CAMTA1: variants seen among roughly 807,000 people sequenced by gnomAD.
The protein encoded by CAMTA1 is calmodulin binding transcription activator 1, also known as calmodulin-binding transcription activator 1.
CAMTA1 carries 27 observed loss-of-function variants against 170.9 expected under a neutral mutation model. The observed-to-expected ratio is 0.16, with a 90% CI of 0.12 to 0.22. CAMTA1 has a LOEUF of 0.22. Ranked by LOEUF, CAMTA1 falls within the 10% of genes least tolerant of loss-of-function variation. CAMTA1 has a pLI of 1.00. For synonymous variants in CAMTA1, 833 were observed against 891.5 expected, an observed-to-expected ratio of 0.93 and a Z score of 1.17; for missense variants, 1,619 against 2,217.2, an observed-to-expected ratio of 0.73 and a Z score of 5.42.
At chr1:7,077,915 G>A (rs575976286) in intron 3 of CAMTA1, among the ~76,000 whole-genome samples, 1 of 152,022 alleles carries the variant, frequency 6.6e-6, no homozygotes, top group Non-Finnish European at 1.5e-5. Context: ...ATTGGTTAAT[G>A]TTCTAAAGCA....
chr1:7,346,482 C>T (rs1364334798), intron 5 of CAMTA1, among the ~76,000 whole-genome samples: 1 of 152,190 alleles, frequency 6.6e-6, no homozygotes. Flanking sequence ...TGAGAGCTTT[C>T]TTCTTAACTG....
chr1:7,508,342 G>C (rs2094151437), intron 6 of CAMTA1, among the ~76,000 whole-genome samples: 2 of 152,218 alleles, frequency 1.3e-5, no homozygotes. Flanking sequence ...AGAGGCCCCT[G>C]GAAGCTGGGA....
intron 7 of CAMTA1, among the ~76,000 whole-genome samples, chr1:7,660,365 C>T (rs1254383232): frequency 6.6e-6 from 1 of 152,168 alleles, no homozygotes; most frequent in African/African-American, 2.4e-5. Flanking sequence ...CTGCGCCTGG[C>T]CTCTACAAAT....
At chr1:7,179,871 T>A (rs1372133967) in intron 4 of CAMTA1, among the ~76,000 whole-genome samples, 2 of 151,720 alleles carry the variant, frequency 1.3e-5, no homozygotes, top group African/African-American at 4.8e-5. Context: ...ACAAGAAACA[T>A]AATAGTAAGG....
intron 3 of CAMTA1, chr1:6,872,006 C>T: frequency 8.4e-7 from 1 of 1,185,270 alleles, no homozygotes; most frequent in Non-Finnish European, 1.1e-6. Flanking sequence ...AAATTCATTT[C>T]AGTTTTAAAA....
rs74719374 is a variant in CAMTA1, at chr1:7,633,496, C to T, written c.511-6904C>T. 1.8e-4 allele frequency among the ~76,000 whole-genome samples: 27 copies of T among 152,320 alleles called. No individual in the cohort carries two copies. The highest frequency in any genetic ancestry group is 3.4e-4 in the Non-Finnish European group (23 of 68,012). ...CTGGGATGGACACCGACTCCTTCCC[C>T]GCACCCTAGTCTCTGTCTGTCCCTC... On this transcript the variant is annotated intron_variant, in intron 6 of 22. Coordinates refer to ENST00000303635, the MANE Select transcript of CAMTA1 (RefSeq NM_015215.4). This position sits in a 1 kb window ranked among gnomAD's most constrained non-coding sequence, Gnocchi z 4.1.
chr1:7,285,743 G>A (rs1013188636), intron 5 of CAMTA1, among the ~76,000 whole-genome samples: 1 of 152,122 alleles, frequency 6.6e-6, no homozygotes, highest in Non-Finnish European at 1.5e-5. Flanking sequence ...AGATTCACAT[G>A]GGCCTGCTTT....
chr1:7,554,189 T>A (rs1576010262), intron 6 of CAMTA1, among the ~76,000 whole-genome samples: 1 of 151,916 alleles, frequency 6.6e-6, no homozygotes, highest in Non-Finnish European at 1.5e-5. Flanking sequence ...AGAAGAAGGG[T>A]GTTTTCCTGC....
chr1:7,671,954 A>G (rs2096064096), intron 10 of CAMTA1: 2 of 454,924 alleles, frequency 4.4e-6, no homozygotes, highest in Admixed American at 4.7e-5. Context: ...GACGGAATGA[A>G]TGAGTCTCCA....
At chr1:7,342,938 C>CGAGT (rs2083942467) in intron 5 of CAMTA1, among the ~76,000 whole-genome samples, 2 of 152,212 alleles carry the variant, frequency 1.3e-5, no homozygotes, top group Non-Finnish European at 2.9e-5. Flanking sequence ...CTCCTTGCTC[C>CGAGT]TATTAAGGCC....
intron 6 of CAMTA1, among the ~76,000 whole-genome samples, chr1:7,605,284 G>A (rs973904252): frequency 6.6e-6 from 1 of 152,240 alleles, no homozygotes; most frequent in African/African-American, 2.4e-5. Flanking sequence ...CCCCAGAGGT[G>A]GAGTCTACAG....
At chr1:7,679,582 C>CCCT (rs1553246539) in intron 11 of CAMTA1, among the ~76,000 whole-genome samples, 13 of 151,852 alleles carry the variant, frequency 8.6e-5, no homozygotes, top group African/African-American at 2.9e-4. Context: ...GCTGCCCCCC[C>CCCT]CCCCAGAACT....
intron 11 of CAMTA1, chr1:7,701,032 A>G (rs1417159475): frequency 1.3e-5 from 2 of 152,278 alleles, no homozygotes; most frequent in African/African-American, 2.4e-5. Context: ...TCCTGTCTCA[A>G]AAAACAAAAA....
In CAMTA1 at chr1:7,078,799, G is replaced by A. The variant is rs116380649; in HGVS notation, c.235-12505G>A. Among the ~76,000 whole-genome samples the A allele has an allele frequency of 6.8e-3, 1,035 of 152,300 alleles. 10 individuals are homozygous for A. The highest frequency in any genetic ancestry group is 0.023 in the African/African-American group (964 of 41,556). ...AATCACTTTGTATTTCTGCATGGAG[G>A]CATTTCAAGACTGTATCTTCAGGGA... is the stretch of plus-strand genomic sequence containing the variant. On this transcript the variant is annotated intron_variant, in intron 3 of 22. Coordinates refer to ENST00000303635, the MANE Select transcript of CAMTA1 (RefSeq NM_015215.4).
chr1:7,358,270 G>A (rs988423615), intron 5 of CAMTA1, among the ~76,000 whole-genome samples: 6 of 152,194 alleles, frequency 3.9e-5, no homozygotes, highest in Non-Finnish European at 7.4e-5. Context: ...ACCTTGACTT[G>A]ATAAATGAGA....
In CAMTA1 at chr1:7,129,715, A is replaced by G. The variant is rs942254262; in HGVS notation, c.302+38344A>G. 3.3e-5 allele frequency among the ~76,000 whole-genome samples: 5 copies of G among 152,196 alleles called. No individual in the cohort carries two copies. The South Asian group carries it at 6.2e-4, about 19-fold the overall frequency. On this transcript the variant is annotated intron_variant, in intron 4 of 22. Coordinates refer to ENST00000303635, the MANE Select transcript of CAMTA1 (RefSeq NM_015215.4). ...TGAGTTTTGACATCTGTATATATTCATGAAACCACTACCACGATCAAGATA... is the reference window on the plus strand; with the variant it reads ...TGAGTTTTGACATCTGTATATATTCGTGAAACCACTACCACGATCAAGATA...
intron 6 of CAMTA1, among the ~76,000 whole-genome samples, chr1:7,600,900 C>A (rs1264441452): frequency 2.0e-5 from 3 of 151,202 alleles, no homozygotes; most frequent in African/African-American, 7.3e-5. Context: ...ACAGACATGG[C>A]AACCATTAGA....
chr1:7,291,707 C>T (rs551908619), intron 5 of CAMTA1, among the ~76,000 whole-genome samples: 14 of 152,252 alleles, frequency 9.2e-5, no homozygotes. Flanking sequence ...AGAGCCTAGC[C>T]CAGGAGTGGG....
At chr1:7,676,985 T>C (rs373706415) in intron 10 of CAMTA1, among the ~76,000 whole-genome samples, 47 of 152,112 alleles carry the variant, frequency 3.1e-4, no homozygotes, top group Non-Finnish European at 4.3e-4. Flanking sequence ...TTCCAGAGCT[T>C]ACTGTCGGGC....
Sources: allele counts gnomAD v4.1 joint callset (sites outside exome capture counted in the v4.1 genomes callset), GRCh38; gene constraint gnomAD v4.1.1; non-coding constraint Gnocchi (gnomAD v3.1); transcripts MANE v1.5; gene names NCBI Gene and HGNC (gene_info 2026-07-23, HGNC 2026-07-21).